The following ZNF841 variants were observed in gnomAD, a reference collection of about 807,000 sequenced individuals.
ZNF841 encodes the protein zinc finger protein 841.
A neutral mutation model predicts 13.0 loss-of-function variants in ZNF841; 11 were observed. That is an observed-to-expected ratio of 0.85 (90% CI 0.53 to 1.40). The LOEUF is 1.40. ZNF841 is among the 40% of genes most tolerant of loss of function. The pLI is 0.00. For missense variants in ZNF841, 1,068 were observed against 1,139.5 expected, an observed-to-expected ratio of 0.94 and a Z score of 0.90; for synonymous variants, 369 against 381.6, an observed-to-expected ratio of 0.97 and a Z score of 0.38.
intron 4 of ZNF841, among the ~76,000 whole-genome samples, chr19:52,077,494 A>G (rs2087943539): frequency 6.6e-6 from 1 of 152,190 alleles, no homozygotes; most frequent in Non-Finnish European, 1.5e-5. Flanking sequence ...GCAAGAACTA[A>G]AGTTTTGGAA....
intron 4 of ZNF841, among the ~76,000 whole-genome samples, chr19:52,083,287 C>T (rs1482838934): frequency 6.6e-6 from 1 of 152,026 alleles, no homozygotes; most frequent in East Asian, 1.9e-4. Context: ...CTGGGTTCCT[C>T]TGGGTGGGTA....
chr19:52,085,234 G>A (rs1418563063), intron 3 of ZNF841, among the ~76,000 whole-genome samples: 1 of 152,186 alleles, frequency 6.6e-6, no homozygotes, highest in African/African-American at 2.4e-5. Context: ...AGACACAAAG[G>A]CTGGACGCTC....
intron 3 of ZNF841, 136 bp from the exon 4 acceptor site, chr19:52,085,014 C>A: frequency 1.7e-6 from 1 of 575,506 alleles, no homozygotes; most frequent in Non-Finnish European, 3.0e-6. Flanking sequence ...ATAATAAACT[C>A]CTACACAAAG....
Position 52,074,067 on chromosome 19 carries a change from A to G in ZNF841, c.271+1977T>C, listed in dbSNP as rs79772327. On this transcript the variant is annotated intron_variant, in intron 6 of 6. Coordinates refer to ENST00000594440, the MANE Select transcript of ZNF841 (RefSeq NM_001136499.2). ...GTAGGAATTAAGTCAGGTGAAACAGAAGTAAAAGGAATAACTGATACTATC... is the reference window on the plus strand; with the variant it reads ...GTAGGAATTAAGTCAGGTGAAACAGGAGTAAAAGGAATAACTGATACTATC... 6.9e-3 allele frequency among the ~76,000 whole-genome samples: 1,056 copies of G among 152,346 alleles called. 13 individuals carry two copies. Among genetic ancestry groups the G allele is most frequent in the African/African-American group, 0.024 (1,017 of 41,582 alleles).
chr19:52,066,691 T>G lies in ZNF841; in HGVS notation c.1191A>C (p.Gly397=). The G allele has an allele frequency of 6.2e-7, 1 of 1,611,922 alleles. No homozygotes were observed. Among genetic ancestry groups the G allele is most frequent in the South Asian group, 1.1e-5 (1 of 90,886 alleles). The change falls in exon 7 of 7, where the codon GGA becomes GGC. Residue 397 remains glycine, a synonymous_variant. Coordinates refer to ENST00000594440, the MANE Select transcript of ZNF841 (RefSeq NM_001136499.2). ...SLATHQTVHT[G]DKPYKCNECG... ...ATTCATTACATTTGTAGGGTTTGTC[T>G]CCAGTATGAACTGTCTGATGAGTTG...
downstream of ZNF841, among the ~76,000 whole-genome samples, chr19:52,063,383 CTT>C (rs568491330): frequency 2.4e-4 from 37 of 151,646 alleles, no homozygotes; most frequent in African/African-American, 8.0e-4. Context: ...GAGTCTCACT[CTT>C]GTCACCCAGG....
intron 3 of ZNF841, among the ~76,000 whole-genome samples, chr19:52,087,086 T>C (rs555393474): frequency 6.6e-6 from 1 of 152,380 alleles, no homozygotes; most frequent in African/African-American, 2.4e-5. Context: ...TGTGTGTGCA[T>C]GCATTTAATG....
intron 6 of ZNF841, among the ~76,000 whole-genome samples, chr19:52,073,552 G>A (rs974141674): frequency 3.9e-5 from 6 of 151,954 alleles, no homozygotes; most frequent in African/African-American, 9.7e-5. Context: ...AAAATGATCC[G>A]CCTGCCTCAG....
At position 52,065,053 on chromosome 19, in the gene ZNF841, CAT is replaced by C. The variant is rs1390152343; in HGVS notation, c.*52_*53del. The C allele has an allele frequency of 4.7e-5, 66 of 1,395,318 alleles. No individual in the cohort carries two copies. In the East Asian group the frequency reaches 6.1e-4, roughly 13 times the overall value. The allele number at this position is 1,395,318 out of a possible 1,614,324, so 86.4% of individuals were successfully genotyped here. A position where few individuals can be genotyped will look rare whatever the true frequency, so the allele number is the denominator to read the frequency against. ...AATACTGGAGATTACTACAATTCCA[CAT>C]GAGACTTCAAAGGGAAAGGACAAAT... On this transcript the variant is annotated 3_prime_UTR_variant, in exon 7 of 7. Transcript: ENST00000594440.
At chr19:52,073,056 C>A (rs1381769317) in intron 6 of ZNF841, among the ~76,000 whole-genome samples, 2 of 152,084 alleles carry the variant, frequency 1.3e-5, no homozygotes, top group Admixed American at 1.3e-4. Context: ...TACAGCCACA[C>A]ACCTACAACC....
At chr19:52,095,341 G>A (rs1437044965) in intron 1 of ZNF841, among the ~76,000 whole-genome samples, 2 of 152,168 alleles carry the variant, frequency 1.3e-5, no homozygotes, top group African/African-American at 4.8e-5. Context: ...TTCAGGAGCC[G>A]GACAGTGGGC....
intron 2 of ZNF841, among the ~76,000 whole-genome samples, chr19:52,090,645 AGG>A (rs2088443036): frequency 1.6e-5 from 2 of 124,020 alleles, no homozygotes; most frequent in East Asian, 2.5e-4. Flanking sequence ...GAAGGAAGGA[AGG>A]AAGGAAGGAA....
Position 52,065,855 on chromosome 19 carries a change from G to A in ZNF841, c.2027C>T (p.Thr676Ile), listed in dbSNP as rs757585944. ...SSLTKHLVIH[T>I]GENPYHCNEF... ...ATTACAGTGGTAAGGGTTCTCTCCA[G>A]TATGAATTACCAGATGTTTAGTGAG... The change falls in exon 7 of 7, where the codon ACT becomes ATT. Residue 676 changes from threonine (T) to isoleucine (I), a missense_variant. Physicochemically the swap from Thr to Ile is moderately conservative, Grantham distance 89 (BLOSUM62 -1). Transcript: ENST00000594440. The A allele has an allele frequency of 4.5e-5, 72 of 1,613,932 alleles. No homozygotes were observed. The highest frequency in any genetic ancestry group is 1.6e-4 in the Middle Eastern group (1 of 6,084).
chr19:52,058,834 A>ATTAT, the ZNF841 span: 4 of 152,098 alleles, frequency 2.6e-5, no homozygotes, highest in African/African-American at 4.9e-5. Context: ...CTTCATTTCT[A>ATTAT]TTATTTATTT....
chr19:52,064,375 A>AAAC (rs1568532491), downstream of ZNF841: 6 of 144,372 alleles, frequency 4.2e-5, no homozygotes, highest in Non-Finnish European at 7.4e-5. Context: ...AAAAAAAAAA[A>AAAC]AAAAAAAAAA....
Position 52,076,972 on chromosome 19 carries a change from T to C in ZNF841, c.128A>G (p.Asn43Ser), listed in dbSNP as rs750901529. The C allele has an allele frequency of 6.2e-7, 1 of 1,612,868 alleles. No homozygotes were observed. Among genetic ancestry groups the C allele is most frequent in the Non-Finnish European group, 8.5e-7 (1 of 1,179,258 alleles). ...YRDVMLENYR[N>S]LGFLGLCLPD... ...ACTATCCTCACCCAGGAAGCCGAGG[T>C]TCCTGTAGTTCTCCAACATCACGTC... The change falls in exon 5 of 7, where the codon AAC (asparagine) becomes AGC (serine). Residue 43 changes from asparagine to serine, a missense_variant. Asn to Ser is a conservative substitution (Grantham distance 46, BLOSUM62 1). Transcript: ENST00000594440.
chr19:52,076,650 CAAA>C (rs35136245), intron 5 of ZNF841, among the ~76,000 whole-genome samples: 8 of 108,984 alleles, frequency 7.3e-5, no homozygotes, highest in Non-Finnish European at 6.2e-5. Flanking sequence ...GAGACTGTGT[CAAA>C]AAAAAAAAAA....
Position 52,066,983 on chromosome 19 carries a change from C to T in ZNF841, c.899G>A (p.Arg300Gln), listed in dbSNP as rs773921003. Residue 300 changes from arginine (R) to glutamine (Q), a missense_variant, in exon 7 of 7, where the codon CGG (arginine) becomes CAG (glutamine). Coordinates refer to ENST00000594440, the MANE Select transcript of ZNF841 (RefSeq NM_001136499.2). ...CTGATGTACTGTTAGTAGTGAGCCC[C>T]GATGAAAGGCTTTACCAGACTCATT... ...RCNESGKAFH[R>Q]GSLLTVHQIV... 13 of 1,614,016 alleles carry T rather than the reference C, an allele frequency of 8.1e-6. No individual in the cohort carries two copies. Among genetic ancestry groups the T allele is most frequent in the South Asian group, 1.1e-5 (1 of 91,064 alleles).
At chr19:52,085,596 A>G (rs1397443717) in intron 3 of ZNF841, among the ~76,000 whole-genome samples, 3 of 152,186 alleles carry the variant, frequency 2.0e-5, no homozygotes, top group Admixed American at 1.3e-4. Context: ...AGAAGTCCCA[A>G]TGGAGAAGGT....
Sources: allele counts gnomAD v4.1 joint callset (sites outside exome capture counted in the v4.1 genomes callset), GRCh38; gene constraint gnomAD v4.1.1; transcripts MANE v1.5; gene names NCBI Gene and HGNC (gene_info 2026-07-23, HGNC 2026-07-21).